HYAL1: variants seen among roughly 807,000 people sequenced by gnomAD.
The protein encoded by HYAL1 is hyaluronidase-1.
A neutral mutation model predicts 28.8 loss-of-function variants in HYAL1; 21 were observed. That is an observed-to-expected ratio of 0.73 (90% CI 0.52 to 1.05). The LOEUF is 1.05. HYAL1 is among the 50% of genes least tolerant of loss of function. The pLI, the probability that HYAL1 is intolerant of heterozygous loss-of-function variation, is 0.00. For missense variants in HYAL1, 491 were observed against 579.2 expected (o/e 0.85, Z 1.56); for synonymous variants, 200 against 230.1 (o/e 0.87, Z 1.18).
rs144539557 is a variant in HYAL1, at chr3:50,302,514, C to G, written c.443G>C (p.Arg148Pro). The G allele has an allele frequency of 5.1e-5, 82 of 1,614,054 alleles. No homozygotes were observed. The highest frequency in any genetic ancestry group is 6.8e-5 in the Non-Finnish European group (80 of 1,180,044). ...AFNWDTKDIY[R>P]QRSRALVQAQ... ...CTGTACCAGTGCCCGTGAGCGCTGC[C>G]GGTAAATGTCCTTGGTGTCCCAGTT... Residue 148 changes from arginine to proline, a missense_variant, in exon 2 of 4, where the codon CGG (arginine) becomes CCG (proline). Arg to Pro is a moderately radical substitution (Grantham distance 103). Coordinates refer to ENST00000395144, the MANE Select transcript of HYAL1 (RefSeq NM_033159.4). This position sits in a 1 kb window ranked among gnomAD's most constrained non-coding sequence, Gnocchi z 5.0.
At chr3:50,303,147 C>A in intron 1 of HYAL1, 167 bp from the exon 2 acceptor site, 1 of 577,286 alleles carries the variant, frequency 1.7e-6, no homozygotes, top group Non-Finnish European at 3.0e-6. Flanking sequence ...TGGAGGGGAG[C>A]ATGGCCACTG....
At chr3:50,306,219 C>CTTTTT (rs1173166946), upstream of HYAL1, among the ~76,000 whole-genome samples, 10 of 84,426 alleles carry the variant, frequency 1.2e-4, no homozygotes, top group East Asian at 2.3e-3. Context: ...CTGTACAACT[C>CTTTTT]TTTTTTTTTT....
At chr3:50,311,124 C>T (rs1423473465) in intron 1 of HYAL1, among the ~76,000 whole-genome samples, 2 of 152,008 alleles carry the variant, frequency 1.3e-5, no homozygotes, top group Non-Finnish European at 2.9e-5. Context: ...GGTACACCTC[C>T]CAGACGGGGT....
chr3:50,301,953 A>G (rs1702178540), intron 2 of HYAL1, 104 bp downstream of exon 2: 2 of 1,324,284 alleles, frequency 1.5e-6, no homozygotes, highest in Non-Finnish European at 1.1e-6. Context: ...TCTGTCTCAA[A>G]AAAAAAAAAA....
At chr3:50,306,506 T>TA (rs1702337060), upstream of HYAL1, among the ~76,000 whole-genome samples, 1 of 151,258 alleles carries the variant, frequency 6.6e-6, no homozygotes, top group Non-Finnish European at 1.5e-5. Context: ...TGCTTACACT[T>TA]ACAGCACTCA....
rs1386988477 is a variant in HYAL1, at chr3:50,302,115, A to C, written c.842T>G (p.Leu281Arg). 5 of 1,614,098 alleles carry C rather than the reference A, an allele frequency of 3.1e-6. No individual in the cohort carries two copies. The highest frequency in any genetic ancestry group is 4.2e-6 in the Non-Finnish European group (5 of 1,180,054). Residue 281 changes from leucine to arginine, a missense_variant, in exon 2 of 4, where the codon CTG becomes CGG. Transcript: ENST00000395144. The surrounding 1 kb of genome is among the most constrained non-coding windows in gnomAD (Gnocchi z 5.0). Reference protein sequence around the residue: ...RVAVAAGDPNLPVLPYVQIFY... With the variant: ...RVAVAAGDPNRPVLPYVQIFY... Reference sequence around the variant, plus strand: ...GATCTGGACATAGGGCAGCACCGGCAGATTGGGGTCACCAGCAGCCACAGC... The same window carrying C: ...GATCTGGACATAGGGCAGCACCGGCCGATTGGGGTCACCAGCAGCCACAGC...
At position 50,299,993 on chromosome 3, in the gene HYAL1, A is replaced by G. The variant is rs1011385276; in HGVS notation, c.*490T>C. 1 of 227,802 alleles carries G rather than the reference A, an allele frequency of 4.4e-6. No homozygotes were observed. The highest frequency in any genetic ancestry group is 8.9e-6 in the Non-Finnish European group (1 of 112,418). The allele number at this position is 227,802 out of a possible 1,614,324, so 14.1% of individuals were successfully genotyped here. On this transcript the variant is annotated 3_prime_UTR_variant, in exon 4 of 4. Coordinates refer to ENST00000395144, the MANE Select transcript of HYAL1 (RefSeq NM_033159.4). ...AACTCAGTAGGAGTGCAAGGGCTGTACCCCCGGAGCTAGACAGCCTGGGTT... is the reference window on the plus strand; with the variant it reads ...AACTCAGTAGGAGTGCAAGGGCTGTGCCCCCGGAGCTAGACAGCCTGGGTT...
chr3:50,300,971 G>T lies in HYAL1; in HGVS notation c.990+17C>A. 2.5e-6 allele frequency: 3 copies of T among 1,218,292 alleles called. No homozygotes were observed. The highest frequency in any genetic ancestry group is 3.4e-6 in the Non-Finnish European group (3 of 884,214). 75.5% of individuals were successfully genotyped at this position (1,218,292 alleles called of 1,614,324 possible). ...ACCCCTCCCCCACCCCCACCCTCATGCCAGGCCTAAGCTCACCTTGGTTCT... is the reference window on the plus strand; with the variant it reads ...ACCCCTCCCCCACCCCCACCCTCATTCCAGGCCTAAGCTCACCTTGGTTCT... On this transcript the variant is annotated intron_variant, in intron 3 of 3. Coordinates refer to ENST00000395144, the MANE Select transcript of HYAL1 (RefSeq NM_033159.4).
upstream of HYAL1, among the ~76,000 whole-genome samples, chr3:50,307,698 A>C (rs1321740656): frequency 1.3e-5 from 2 of 149,878 alleles, no homozygotes; most frequent in South Asian, 2.1e-4. Context: ...AAAAAAAAAA[A>C]AAAAAACCCA....
At chr3:50,304,299 ATATATATATATATATATAT>A (rs1702290934), upstream of HYAL1, among the ~76,000 whole-genome samples, 11 of 27,866 alleles carry the variant, frequency 3.9e-4, 1 homozygote, top group Admixed American at 2.4e-3. Context: ...AAAAAAAAAT[ATATATATATATATATATAT>A]ATATATATAT....
Position 50,300,335 on chromosome 3 carries a change from G to T in HYAL1, c.*148C>A. ...ACTATTCCAGTCTGTAAGTATGCAT[G>T]TGTGTGCAGGGAATATGCCTGTGAC... is the stretch of plus-strand genomic sequence containing the variant. On this transcript the variant is annotated 3_prime_UTR_variant, in exon 4 of 4. Coordinates refer to ENST00000395144, the MANE Select transcript of HYAL1 (RefSeq NM_033159.4). The T allele has an allele frequency of 1.3e-6, 1 of 767,684 alleles. No individual in the cohort carries two copies. The highest frequency in any genetic ancestry group is 2.3e-6 in the Non-Finnish European group (1 of 443,096). The allele number at this position is 767,684 out of a possible 1,614,324, so 47.6% of individuals were successfully genotyped here.
chr3:50,300,599 G>A lies in HYAL1; in HGVS notation c.1192C>T (p.Leu398=). ...SIQLTPGGGP[L]SLRGALSLED... The stretch of plus-strand genomic sequence containing the variant: ...AGTGAGAGGGCACCCCGCAGGCTCA[G>A]GGGCCCACCACCAGGCGTGAGCTGG... Residue 398 remains leucine (L), a synonymous_variant, in exon 4 of 4, where the codon CTG becomes TTG. Transcript: ENST00000395144. 6.2e-7 allele frequency: 1 copy of A among 1,614,202 alleles called. No individual in the cohort carries two copies. The highest frequency in any genetic ancestry group is 8.5e-7 in the Non-Finnish European group (1 of 1,180,032).
rs1553712802 is a variant in HYAL1 at position 50,301,112 on chromosome 3, C to G, written c.901-35G>C. The G allele has an allele frequency of 1.1e-5, 15 of 1,389,346 alleles. No individual in the cohort carries two copies. In the South Asian group the frequency reaches 1.6e-4, roughly 15 times the overall value. 86.1% of individuals were successfully genotyped at this position (1,389,346 alleles called of 1,614,324 possible). On this transcript the variant is annotated intron_variant, in intron 2 of 3. Coordinates refer to ENST00000395144, the MANE Select transcript of HYAL1 (RefSeq NM_033159.4). ...AGACAGCACAGCTCTGTGGGGCCTC[C>G]TTCCCACCATGTGGCAGACTGCTGG...
chr3:50,307,723 G>A, upstream of HYAL1, among the ~76,000 whole-genome samples: 2 of 147,624 alleles, frequency 1.4e-5, no homozygotes, highest in Non-Finnish European at 1.5e-5. Flanking sequence ...AAATAAAAAG[G>A]AGGGATGTTC....
intron 2 of HYAL1, among the ~76,000 whole-genome samples, chr3:50,308,677 T>C (rs1702387585): frequency 6.7e-6 from 1 of 149,356 alleles, no homozygotes; most frequent in Non-Finnish European, 1.5e-5. Context: ...CCTCGTGATC[T>C]GCCCACCTTG....
chr3:50,301,255 A>G (rs1702144542), intron 2 of HYAL1, among the ~76,000 whole-genome samples, 178 bp from the exon 3 acceptor site: 1 of 152,192 alleles, frequency 6.6e-6, no homozygotes, highest in African/African-American at 2.4e-5. Flanking sequence ...CAGGGACTAC[A>G]TCATTCCAAT....
At chr3:50,305,072 CAT>C (rs1168780343), upstream of HYAL1, among the ~76,000 whole-genome samples, 3 of 152,212 alleles carry the variant, frequency 2.0e-5, no homozygotes, top group Non-Finnish European at 4.4e-5. Flanking sequence ...TGCTTACAGA[CAT>C]AGATGCATAT....
upstream of HYAL1, among the ~76,000 whole-genome samples, chr3:50,304,445 T>A (rs1208576891): frequency 1.4e-5 from 2 of 145,954 alleles, no homozygotes; most frequent in African/African-American, 5.0e-5. Flanking sequence ...TACAAAAAAA[T>A]TAAAAATTAG....
rs374789186 is a variant in HYAL1 at position 50,302,636 on chromosome 3, G to C, written c.321C>G (p.Ala107=). Residue 107 remains alanine (A), a synonymous_variant, in exon 2 of 4, where the codon GCC becomes GCG. Transcript: ENST00000395144. The surrounding 1 kb of genome is among the most constrained non-coding windows in gnomAD (Gnocchi z 5.0). ...PQNASLIAHL[A]RTFQDILAAI... ...CAGCCAGGATGTCCTGGAATGTGCGGGCCAGGTGGGCAATCAGGCTGGCAT... is the reference window on the plus strand; with the variant it reads ...CAGCCAGGATGTCCTGGAATGTGCGCGCCAGGTGGGCAATCAGGCTGGCAT... 5.6e-6 allele frequency: 9 copies of C among 1,614,054 alleles called. No individual in the cohort carries two copies. Among genetic ancestry groups the C allele is most frequent in the Non-Finnish European group, 7.6e-6 (9 of 1,180,050 alleles).
Sources: gnomAD v4.1 joint callset for allele counts (sites outside exome capture counted in the v4.1 genomes callset) on GRCh38, gnomAD v4.1.1 for gene constraint, Gnocchi (gnomAD v3.1) non-coding constraint, MANE v1.5 for transcripts, NCBI Gene and HGNC (gene_info 2026-07-23, HGNC 2026-07-21) for gene names.